The following WDFY2 variants were observed in gnomAD, a reference collection of about 807,000 sequenced individuals.
WDFY2 encodes WD repeat and FYVE domain containing 2.
WDFY2 carries 36 observed loss-of-function variants against 56.4 expected under a neutral mutation model. That is an observed-to-expected ratio of 0.64 (90% CI 0.49 to 0.84). The LOEUF (loss-of-function observed/expected upper bound fraction) is 0.84, where lower values mean the gene tolerates loss of function less well. WDFY2 is among the 40% of genes least tolerant of loss of function. The probability of loss-of-function intolerance (pLI) is 0.00; values close to 1 mark genes in which losing one functional copy is unlikely to be tolerated. For synonymous variants in WDFY2, 176 were observed against 183.7 expected, an observed-to-expected ratio of 0.96 and a Z score of 0.34; for missense variants, 444 against 512.2, an observed-to-expected ratio of 0.87 and a Z score of 1.29.
chr13:51,747,856 G>A (rs938614400), intron 7 of WDFY2, among the ~76,000 whole-genome samples: 2 of 152,184 alleles, frequency 1.3e-5, no homozygotes, highest in Non-Finnish European at 2.9e-5. Flanking sequence ...TAAGATGAGG[G>A]AACAAGTCTT....
intron 9 of WDFY2, 118 bp downstream of exon 9, chr13:51,755,577 G>T (rs1953353816): frequency 1.1e-6 from 1 of 889,284 alleles, no homozygotes. Context: ...TATTATCCTG[G>T]AGTCACCTCG....
chr13:51,610,152 A>T (rs1407097409), intron 1 of WDFY2, among the ~76,000 whole-genome samples: 3 of 151,816 alleles, frequency 2.0e-5, no homozygotes, highest in Admixed American at 1.3e-4. Context: ...CTCATCCCTC[A>T]TCTGAAGTGG....
chr13:51,681,066 C>T (rs775251607), intron 3 of WDFY2, among the ~76,000 whole-genome samples: 13 of 152,108 alleles, frequency 8.5e-5, no homozygotes, highest in African/African-American at 2.9e-4. Context: ...TGGATTATAA[C>T]GAGCCTATGG....
chr13:51,627,700 T>A (rs1954863751), intron 1 of WDFY2, among the ~76,000 whole-genome samples: 1 of 152,078 alleles, frequency 6.6e-6, no homozygotes, highest in African/African-American at 2.4e-5. Flanking sequence ...GTAGTTCTAA[T>A]CCCATGTCCA....
chr13:51,627,174 G>A (rs527784344), intron 1 of WDFY2, among the ~76,000 whole-genome samples: 1 of 152,222 alleles, frequency 6.6e-6, no homozygotes, highest in Admixed American at 6.5e-5. Flanking sequence ...GAGACACCAG[G>A]AACTGCAGAG....
At chr13:51,612,470 C>A (rs1954521491) in intron 1 of WDFY2, among the ~76,000 whole-genome samples, 1 of 152,170 alleles carries the variant, frequency 6.6e-6, no homozygotes, top group African/African-American at 2.4e-5. Flanking sequence ...CAAATTAACA[C>A]TTAGAAGTCT....
intron 1 of WDFY2, chr13:51,589,495 A>C (rs887167934): frequency 6.6e-6 from 1 of 152,158 alleles, no homozygotes; most frequent in Non-Finnish European, 1.5e-5. Context: ...TTTACCATTA[A>C]TTCTTTTTAT....
At chr13:51,728,464 A>G (rs2138657245) in intron 6 of WDFY2, among the ~76,000 whole-genome samples, 1 of 152,230 alleles carries the variant, frequency 6.6e-6, no homozygotes, top group South Asian at 2.1e-4. Flanking sequence ...GAACTTATCG[A>G]CCCTAGAAAA....
At chr13:51,657,698 G>T (rs1397175519) in intron 1 of WDFY2, among the ~76,000 whole-genome samples, 1 of 151,946 alleles carries the variant, frequency 6.6e-6, no homozygotes, top group African/African-American at 2.4e-5. Context: ...CCCATCTTCA[G>T]GTTTGCTGTC....
chr13:51,627,908 G>A (rs1245236610), intron 1 of WDFY2, among the ~76,000 whole-genome samples: 1 of 152,164 alleles, frequency 6.6e-6, no homozygotes, highest in Admixed American at 6.5e-5. Flanking sequence ...GTCATCTGCC[G>A]GAGTCTGCCT....
At chr13:51,604,288 C>T (rs1052141602) in intron 1 of WDFY2, among the ~76,000 whole-genome samples, 4 of 152,076 alleles carry the variant, frequency 2.6e-5, no homozygotes, top group Admixed American at 6.6e-5. Context: ...CTCATCTTGC[C>T]GCCTCAGAAA....
intron 3 of WDFY2, among the ~76,000 whole-genome samples, chr13:51,681,576 G>C (rs1955977281): frequency 6.6e-6 from 1 of 152,094 alleles, no homozygotes; most frequent in Non-Finnish European, 1.5e-5. Context: ...ATCATTCTGA[G>C]TCACTGGACT....
At chr13:51,655,835 C>G (rs1337929758) in intron 1 of WDFY2, among the ~76,000 whole-genome samples, 1 of 152,058 alleles carries the variant, frequency 6.6e-6, no homozygotes, top group Non-Finnish European at 1.5e-5. Context: ...TCAATCTCTA[C>G]TTGTAATAGG....
At chr13:51,752,511 G>C (rs938172135) in intron 8 of WDFY2, among the ~76,000 whole-genome samples, 1 of 152,198 alleles carries the variant, frequency 6.6e-6, no homozygotes, top group Non-Finnish European at 1.5e-5. Context: ...GTCACACCTG[G>C]TCTGTCCTGA....
intron 1 of WDFY2, chr13:51,585,982 A>G (rs1953929773): frequency 1.0e-5 from 4 of 398,530 alleles, no homozygotes; most frequent in Non-Finnish European, 1.3e-5. Context: ...TCTTGTCTAC[A>G]TCATGCTCAA....
chr13:51,696,519 A>C (rs1951879835), intron 3 of WDFY2, among the ~76,000 whole-genome samples: 1 of 152,230 alleles, frequency 6.6e-6, no homozygotes, highest in South Asian at 2.1e-4. Context: ...GAGAACCCCC[A>C]AACAGACTCA....
chr13:51,737,220 C>T (rs1952856158), intron 6 of WDFY2, among the ~76,000 whole-genome samples: 1 of 152,122 alleles, frequency 6.6e-6, no homozygotes, highest in Admixed American at 6.5e-5. Context: ...CAGCCAGGCA[C>T]ATGCTTCCCA....
chr13:51,733,578 T>A (rs749684950), intron 6 of WDFY2, among the ~76,000 whole-genome samples: 1 of 152,032 alleles, frequency 6.6e-6, no homozygotes, highest in Non-Finnish European at 1.5e-5. Flanking sequence ...GTGGCAGCAG[T>A]AGGTGGTAGA....
At chr13:51,602,819 T>A (rs1566307017) in intron 1 of WDFY2, among the ~76,000 whole-genome samples, 1 of 152,246 alleles carries the variant, frequency 6.6e-6, no homozygotes, top group African/African-American at 2.4e-5. Context: ...AAATCCTTTG[T>A]ACTCATCTGA....
Sources: allele counts gnomAD v4.1 joint callset (sites outside exome capture counted in the v4.1 genomes callset), GRCh38; gene constraint gnomAD v4.1.1; transcripts MANE v1.5; gene names NCBI Gene and HGNC (gene_info 2026-07-23, HGNC 2026-07-21).